The following ITGA6 variants were observed in gnomAD, a reference collection of about 807,000 sequenced individuals.
ITGA6 encodes the protein integrin alpha-6.
Under a neutral mutation model 133.6 loss-of-function variants are expected in ITGA6, and 63 were observed. The ratio of observed to expected loss-of-function variants is 0.47; its 90% CI spans 0.38 to 0.58. The LOEUF is 0.58. ITGA6 is among the 20% of genes least tolerant of loss of function. ITGA6 has a pLI of 0.00. For missense variants in ITGA6, 1,068 were observed against 1,309.4 expected (o/e 0.82, Z 2.85); for synonymous variants, 434 against 482.0 (o/e 0.90, Z 1.30).
chr2:172,489,333 G>T, intron 19 of ITGA6, 152 bp from the exon 20 acceptor site: 1 of 641,882 alleles, frequency 1.6e-6, no homozygotes, highest in Non-Finnish European at 2.7e-6. Context: ...TCTTTATTTT[G>T]AATGCCCTAT....
At chr2:172,483,355 C>T (rs1037241204) in intron 11 of ITGA6, among the ~76,000 whole-genome samples, 15 of 152,194 alleles carry the variant, frequency 9.9e-5, no homozygotes, top group Admixed American at 9.8e-4. Flanking sequence ...GCTTCTGTCC[C>T]TCTCAGTATG....
chr2:172,485,599 T>C (rs1686633134), intron 13 of ITGA6, among the ~76,000 whole-genome samples: 1 of 152,224 alleles, frequency 6.6e-6, no homozygotes, highest in African/African-American at 2.4e-5. Flanking sequence ...TTACTTACCA[T>C]TGAGAATACT....
chr2:172,475,470 A>C lies in ITGA6; in HGVS notation c.1181-127A>C, dbSNP rs3792257. On this transcript the variant is annotated intron_variant, in intron 7 of 25. Coordinates refer to ENST00000684293, the MANE Select transcript of ITGA6 (RefSeq NM_000210.4). ...AGGAGCGAAACTCCATCTCAAAAAAAACAAAAAAAAACCCCGAAAAAGCCA... is the reference window on the plus strand; with the variant it reads ...AGGAGCGAAACTCCATCTCAAAAAACACAAAAAAAAACCCCGAAAAAGCCA... 0.1 allele frequency: 74,422 copies of C among 735,114 alleles called. 9,601 individuals are homozygous for C. Among genetic ancestry groups the C allele is most frequent in the East Asian group, 0.53 (20,814 of 39,512 alleles). The allele number at this position is 735,114 out of a possible 1,614,324, so 45.5% of individuals were successfully genotyped here.
intron 24 of ITGA6, 111 bp from the exon 25 acceptor site, chr2:172,501,661 C>A: frequency 1.0e-6 from 1 of 1,003,580 alleles, no homozygotes; most frequent in Non-Finnish European, 1.5e-6. Flanking sequence ...TGAAAGTGGT[C>A]TGTTTGTAAA....
At chr2:172,441,558 TTAAAAAA>T (rs1320085370) in intron 1 of ITGA6, among the ~76,000 whole-genome samples, 3,593 of 64,666 alleles carry the variant, frequency 0.056, 224 homozygotes, top group East Asian at 0.2. Flanking sequence ...CGCTGTCTCT[TTAAAAAA>T]AAAAAAAAAA....
intron 1 of ITGA6, among the ~76,000 whole-genome samples, chr2:172,456,698 C>T (rs774797307): frequency 6.6e-6 from 1 of 152,204 alleles, no homozygotes; most frequent in Non-Finnish European, 1.5e-5. Context: ...GTCCCAGGTG[C>T]CCTTGCTAGC....
Position 172,487,113 on chromosome 2 carries a change from C to T in ITGA6, c.1945C>T (p.Gln649Ter). Reference protein sequence around the residue: ...EYKFCTREGNQDKFSYLPIQK... With the variant: ...EYKFCTREGN ...TAAATTTTGCACCCGAGAAGGAAAT[C>T]AAGACAAATTTTCTTATTTACCAAT... The change falls in exon 14 of 26, where the codon CAA (glutamine) becomes TAA (stop). Residue 649 changes from glutamine to a stop codon, truncating the protein, a stop_gained. Coordinates refer to ENST00000684293, the MANE Select transcript of ITGA6 (RefSeq NM_000210.4). LOFTEE classifies it high-confidence loss of function. 4 of 1,607,814 alleles carry T rather than the reference C, an allele frequency of 2.5e-6. No homozygotes were observed. The highest frequency in any genetic ancestry group is 3.4e-6 in the Non-Finnish European group (4 of 1,174,352).
At chr2:172,444,767 A>C (rs1684689239) in intron 1 of ITGA6, among the ~76,000 whole-genome samples, 1 of 118,116 alleles carries the variant, frequency 8.5e-6, no homozygotes, top group African/African-American at 3.3e-5. Flanking sequence ...TTTCCCCCCC[A>C]CAACCCAGCA....
At position 172,476,241 on chromosome 2, in the gene ITGA6, CA is replaced by C. The variant is rs533488567; in HGVS notation, c.1270-153del. ...AAATGAAATGTATGAAGTGTTAGATCATATAGAAATTTATGACTTGTATATA... is the reference window on the plus strand; with the variant it reads ...AAATGAAATGTATGAAGTGTTAGATCTATAGAAATTTATGACTTGTATATA... On this transcript the variant is annotated intron_variant, in intron 8 of 25. Transcript: ENST00000684293. Among the ~76,000 whole-genome samples, 693 of 151,804 alleles carry C rather than the reference CA, an allele frequency of 4.6e-3. 7 individuals carry two copies. Among genetic ancestry groups the C allele is most frequent in the African/African-American group, 0.015 (635 of 41,162 alleles).
chr2:172,447,035 T>C (rs909262458), intron 1 of ITGA6, among the ~76,000 whole-genome samples: 1 of 151,946 alleles, frequency 6.6e-6, no homozygotes, highest in Non-Finnish European at 1.5e-5. Flanking sequence ...GTAGCTGGGA[T>C]TACAGGTGTG....
At chr2:172,499,189 A>G (rs7596665) in intron 24 of ITGA6, among the ~76,000 whole-genome samples, 7,723 of 151,956 alleles carry the variant, frequency 0.051, 358 homozygotes, top group East Asian at 0.26. Flanking sequence ...TGACTTTTGC[A>G]AATTTGAGAT....
At chr2:172,472,351 G>A (rs529585762) in intron 5 of ITGA6, among the ~76,000 whole-genome samples, 2 of 152,314 alleles carry the variant, frequency 1.3e-5, no homozygotes, top group African/African-American at 4.8e-5. Flanking sequence ...GATTACTTAT[G>A]ATTAAAATAC....
intron 9 of ITGA6, among the ~76,000 whole-genome samples, chr2:172,477,655 G>C (rs911189183): frequency 6.6e-6 from 1 of 152,150 alleles, no homozygotes; most frequent in African/African-American, 2.4e-5. Flanking sequence ...GTCCTCATAA[G>C]TAGGTTGACT....
At chr2:172,463,848 A>G (rs574726944) in intron 1 of ITGA6, among the ~76,000 whole-genome samples, 1 of 152,160 alleles carries the variant, frequency 6.6e-6, no homozygotes, top group East Asian at 1.9e-4. Context: ...TAGGCAGTTC[A>G]CCTCCCAGGT....
Position 172,484,856 on chromosome 2 carries a change from C to G in ITGA6, c.1624C>G (p.Gln542Glu), listed in dbSNP as rs1284603401. ...GLSSRVQFRNQGSEPKYTQEL... is the reference protein window; with the variant it reads ...GLSSRVQFRNEGSEPKYTQEL... Reference sequence around the variant, plus strand: ...ATCCTCAAGAGTTCAGTTTCGAAACCAAGGTTCTGAGCCCAAATATACTCA... The same window carrying G: ...ATCCTCAAGAGTTCAGTTTCGAAACGAAGGTTCTGAGCCCAAATATACTCA... The change falls in exon 12 of 26, where the codon CAA becomes GAA. Residue 542 changes from glutamine (Q) to glutamate (E), a missense_variant. Gln to Glu is a conservative substitution (Grantham distance 29). This residue lies in a region of ITGA6 where 609 missense variants were observed against 707.2 expected (regional missense o/e 0.86). Coordinates refer to ENST00000684293, the MANE Select transcript of ITGA6 (RefSeq NM_000210.4). 5.1e-5 allele frequency: 82 copies of G among 1,613,882 alleles called. No individual in the cohort carries two copies. The highest frequency in any genetic ancestry group is 6.4e-5 in the Non-Finnish European group (75 of 1,179,938).
chr2:172,501,110 C>T (rs1226218231), intron 24 of ITGA6, among the ~76,000 whole-genome samples: 1 of 152,120 alleles, frequency 6.6e-6, no homozygotes, highest in Non-Finnish European at 1.5e-5. Context: ...TGGAATTATA[C>T]TTTTATACTC....
chr2:172,461,595 T>C (rs1344288809), intron 1 of ITGA6, among the ~76,000 whole-genome samples: 1 of 152,208 alleles, frequency 6.6e-6, no homozygotes, highest in African/African-American at 2.4e-5. Context: ...TGGTCAGTAA[T>C]GAGTGCTGCA....
chr2:172,439,955 T>TG (rs1243762816), intron 1 of ITGA6, among the ~76,000 whole-genome samples: 1 of 152,190 alleles, frequency 6.6e-6, no homozygotes, highest in Non-Finnish European at 1.5e-5. Context: ...CATAGTGGGC[T>TG]GGGAGAGATA....
intron 1 of ITGA6, among the ~76,000 whole-genome samples, chr2:172,434,598 TAAAACC>T (rs1684241684): frequency 6.6e-6 from 1 of 152,070 alleles, no homozygotes; most frequent in Non-Finnish European, 1.5e-5. Context: ...ACTAAGTCTC[TAAAACC>T]AATTAAATGG....
Sources: gnomAD v4.1 joint callset for allele counts (sites outside exome capture counted in the v4.1 genomes callset) on GRCh38, gnomAD v4.1.1 for gene constraint, gnomAD v4.1.1 regional missense constraint, MANE v1.5 for transcripts, NCBI Gene and HGNC (gene_info 2026-07-23, HGNC 2026-07-21) for gene names.